The following GMDS variants were observed in gnomAD, a reference collection of about 807,000 sequenced individuals.
The protein encoded by GMDS is GDP-mannose 4,6 dehydratase.
GMDS carries 20 observed loss-of-function variants against 49.9 expected under a neutral mutation model. That is an observed-to-expected ratio of 0.40 (90% CI 0.28 to 0.58). The LOEUF is 0.58. Ranked by LOEUF, GMDS falls within the 20% of genes least tolerant of loss-of-function variation. The pLI is 0.42. For missense variants in GMDS, 362 were observed against 481.4 expected, an observed-to-expected ratio of 0.75 and a Z score of 2.32; for synonymous variants, 177 against 178.6, an observed-to-expected ratio of 0.99 and a Z score of 0.07.
chr6:1,642,250 T>A (rs1000976007), intron 9 of GMDS, among the ~76,000 whole-genome samples: 20 of 138,886 alleles, frequency 1.4e-4, no homozygotes, highest in African/African-American at 5.2e-4. Context: ...CACTGCAACC[T>A]CCACCTCCCA....
At chr6:1,917,358 C>T (rs912041532) in intron 7 of GMDS, among the ~76,000 whole-genome samples, 3 of 152,184 alleles carry the variant, frequency 2.0e-5, no homozygotes, top group African/African-American at 7.2e-5. Context: ...CAAGAGAAGA[C>T]ATCAAACAAG....
rs1455784695 is a variant in GMDS at position 1,835,091 on chromosome 6, A to C, written c.772-92505T>G. 2.0e-5 allele frequency among the ~76,000 whole-genome samples: 3 copies of C among 152,128 alleles called. No individual in the cohort carries two copies. The East Asian group carries it at 5.8e-4, about 29-fold the overall frequency. ...GAGAGGGAAGGAGGGAGGGAATATAAAGTGAGTGCTAAGTGCTAACACGGG... is the reference window on the plus strand; with the variant it reads ...GAGAGGGAAGGAGGGAGGGAATATACAGTGAGTGCTAAGTGCTAACACGGG... On this transcript the variant is annotated intron_variant, in intron 7 of 10. Transcript: ENST00000380815.
At chr6:1,972,125 A>AG (rs1462698069) in intron 4 of GMDS, among the ~76,000 whole-genome samples, 3 of 152,216 alleles carry the variant, frequency 2.0e-5, no homozygotes, top group Non-Finnish European at 4.4e-5. Flanking sequence ...ACAACCTCTG[A>AG]GAACCTCTGG....
At chr6:1,923,058 T>C (rs1275783722) in intron 7 of GMDS, among the ~76,000 whole-genome samples, 2 of 152,232 alleles carry the variant, frequency 1.3e-5, no homozygotes, top group African/African-American at 4.8e-5. Context: ...TCTTCCCTGC[T>C]GCCATGTAAG....
chr6:1,921,742 T>C (rs1354683649), intron 7 of GMDS, among the ~76,000 whole-genome samples: 1 of 152,232 alleles, frequency 6.6e-6, no homozygotes, highest in African/African-American at 2.4e-5. Context: ...TCTTAAATGT[T>C]TGGTTTGTTA....
intron 4 of GMDS, among the ~76,000 whole-genome samples, chr6:2,068,952 T>G: frequency 6.6e-6 from 1 of 152,142 alleles, no homozygotes; most frequent in East Asian, 1.9e-4. Context: ...ACAGCCTGCA[T>G]CGCCAAGTCA....
At chr6:1,924,838 A>G (rs769219268) in intron 7 of GMDS, among the ~76,000 whole-genome samples, 2 of 152,256 alleles carry the variant, frequency 1.3e-5, no homozygotes, top group African/African-American at 2.4e-5. Context: ...AGAGGTGGGC[A>G]TAAAAGCAGG....
rs1189585097 is a variant in GMDS at position 2,069,649 on chromosome 6, C to A, written c.345+46122G>T. 2.6e-5 allele frequency among the ~76,000 whole-genome samples: 4 copies of A among 152,184 alleles called. No individual in the cohort carries two copies. In the South Asian group the frequency reaches 8.3e-4, roughly 32 times the overall value. ...TCTCAAAAGAAGACATTTATGCAGC[C>A]AAAAAACACATGAAGAAATGCTCAC... On this transcript the variant is annotated intron_variant, in intron 4 of 10. Transcript: ENST00000380815.
At chr6:1,745,527 C>A (rs1270175311) in intron 7 of GMDS, among the ~76,000 whole-genome samples, 1 of 152,124 alleles carries the variant, frequency 6.6e-6, no homozygotes, top group Non-Finnish European at 1.5e-5. Flanking sequence ...TAAACACCGG[C>A]CCGGGTCCCC....
chr6:1,759,720 T>G (rs1768088195), intron 7 of GMDS, among the ~76,000 whole-genome samples: 1 of 152,168 alleles, frequency 6.6e-6, no homozygotes, highest in Non-Finnish European at 1.5e-5. Context: ...CAAATCTGAT[T>G]TAAGAAATAA....
intron 4 of GMDS, among the ~76,000 whole-genome samples, chr6:2,060,944 T>G (rs1338060553): frequency 1.3e-5 from 2 of 151,148 alleles, no homozygotes; most frequent in Non-Finnish European, 2.9e-5. Context: ...CGCTTGAACC[T>G]GGGACATGGA....
At chr6:2,047,085 A>G (rs977930353) in intron 4 of GMDS, among the ~76,000 whole-genome samples, 2 of 152,198 alleles carry the variant, frequency 1.3e-5, no homozygotes, top group African/African-American at 4.8e-5. Flanking sequence ...TTTACTTTTT[A>G]GTTTTGTTTG....
At chr6:1,952,253 T>C (rs1763379041) in intron 6 of GMDS, 1 of 152,126 alleles carries the variant, frequency 6.6e-6, no homozygotes, top group South Asian at 2.1e-4. Context: ...AAGGAAAAAA[T>C]AGTATCTAAT....
intron 1 of GMDS, among the ~76,000 whole-genome samples, chr6:2,170,399 G>A (rs1777928971): frequency 6.6e-6 from 1 of 152,132 alleles, no homozygotes; most frequent in Admixed American, 6.5e-5. Flanking sequence ...GCCAAGACAG[G>A]AGGATATCTT....
In GMDS at chr6:2,154,798, C is replaced by T. The variant is rs1777019012; in HGVS notation, c.103-30067G>A. ...AACGACCTGAACTTTTGGCCAGACC[C>T]AACCCTGTGCTGAATTTCATTTGGC... On this transcript the variant is annotated intron_variant, in intron 1 of 10. Transcript: ENST00000380815. Among the ~76,000 whole-genome samples the T allele has an allele frequency of 2.0e-5, 3 of 146,876 alleles. No individual in the cohort carries two copies. In the Admixed American group the frequency reaches 2.1e-4, roughly 10 times the overall value.
At chr6:1,892,416 G>C (rs1382217591) in intron 7 of GMDS, among the ~76,000 whole-genome samples, 1 of 152,116 alleles carries the variant, frequency 6.6e-6, no homozygotes, top group African/African-American at 2.4e-5. Context: ...GTGGAGTGCA[G>C]TGGTATGATC....
intron 1 of GMDS, among the ~76,000 whole-genome samples, chr6:2,190,349 C>G (rs1778958137): frequency 1.3e-5 from 2 of 152,226 alleles, no homozygotes; most frequent in South Asian, 4.1e-4. Context: ...TATGCACTCA[C>G]TATAATATAC....
At chr6:1,789,323 C>T (rs755718087) in intron 7 of GMDS, among the ~76,000 whole-genome samples, 75 of 152,274 alleles carry the variant, frequency 4.9e-4, no homozygotes, top group Middle Eastern at 3.4e-3. Flanking sequence ...AAGGCCCTGA[C>T]TCTCTAAGCC....
At chr6:1,880,838 C>G (rs1283420245) in intron 7 of GMDS, among the ~76,000 whole-genome samples, 1 of 152,060 alleles carries the variant, frequency 6.6e-6, no homozygotes, top group Non-Finnish European at 1.5e-5. Context: ...TCAAACACTG[C>G]CTACCCATTA....
Sources: gnomAD v4.1 joint callset for allele counts (sites outside exome capture counted in the v4.1 genomes callset) on GRCh38, gnomAD v4.1.1 for gene constraint, MANE v1.5 for transcripts, NCBI Gene and HGNC (gene_info 2026-07-23, HGNC 2026-07-21) for gene names.